The following ZNF813 variants were observed in gnomAD, a reference collection of about 807,000 sequenced individuals.
ZNF813 encodes the protein zinc finger protein 813.
A neutral mutation model predicts 7.2 loss-of-function variants in ZNF813; 3 were observed. The observed-to-expected ratio is 0.42, with a 90% confidence interval of 0.19 to 1.08. The LOEUF (loss-of-function observed/expected upper bound fraction) is 1.08. Among genes scored for constraint, ZNF813 ranks in the 50% least tolerant of loss-of-function variants. The pLI is 0.30. For synonymous variants in ZNF813, 227 were observed against 256.3 expected, an observed-to-expected ratio of 0.89 and a Z score of 1.09; for missense variants, 714 against 753.3, an observed-to-expected ratio of 0.95 and a Z score of 0.61.
At chr19:53,469,933 G>A (rs185278526) in intron 1 of ZNF813, among the ~76,000 whole-genome samples, 3 of 151,520 alleles carry the variant, frequency 2.0e-5, no homozygotes, top group Middle Eastern at 3.4e-3. Context: ...GGTACGCACC[G>A]GCTCAGTGGA....
rs2147164142 is a variant in ZNF813 at position 53,491,530 on chromosome 19, A to G, written c.1298A>G (p.His433Arg). 1.2e-6 allele frequency: 2 copies of G among 1,613,848 alleles called. No homozygotes were observed. The highest frequency in any genetic ancestry group is 1.7e-6 in the Non-Finnish European group (2 of 1,179,834). Reference protein sequence around the residue: ...KANLARHHRLHSGEKPYKCTE... With the variant: ...KANLARHHRLRSGEKPYKCTE... Reference sequence around the variant, plus strand: ...AACCTTGCACGTCATCATAGACTTCATAGTGGAGAGAAACCCTACAAGTGT... The same window carrying G: ...AACCTTGCACGTCATCATAGACTTCGTAGTGGAGAGAAACCCTACAAGTGT... Residue 433 changes from histidine (H) to arginine (R), a missense_variant, in exon 4 of 4, where the codon CAT becomes CGT. Physicochemically the swap from His to Arg is conservative, Grantham distance 29. This residue lies in a region of ZNF813 where 563 missense variants were observed against 554.2 expected (regional missense o/e 1.02). Transcript: ENST00000396403.
At chr19:53,476,836 G>A (rs2086384308) in intron 1 of ZNF813, among the ~76,000 whole-genome samples, 1 of 151,912 alleles carries the variant, frequency 6.6e-6, no homozygotes, top group South Asian at 2.1e-4. Flanking sequence ...GCTAATTTTT[G>A]TATTTTAAGT....
Position 53,495,975 on chromosome 19 carries a change from G to T in ZNF813, c.*3889G>T. On this transcript the variant is annotated 3_prime_UTR_variant, in exon 4 of 4. Transcript: ENST00000396403. ...CCCCCAGTGGATTCAGATCAAAACT[G>T]GTAATAAAATCAGGTACGACTCCAA... 1 of 372,440 alleles carries T rather than the reference G, an allele frequency of 2.7e-6. No individual in the cohort carries two copies. The highest frequency in any genetic ancestry group is 7.2e-5 in the East Asian group (1 of 13,828). The allele number at this position is 372,440 out of a possible 1,614,324, so 23.1% of individuals were successfully genotyped here.
chr19:53,494,441 C>T lies in ZNF813; in HGVS notation c.*2355C>T, dbSNP rs143173141. ...GGTGGATCACCTGAGATCCAGAGTT[C>T]GAGACCAGCCTCACCAACATGGAGA... is the stretch of plus-strand genomic sequence containing the variant. On this transcript the variant is annotated 3_prime_UTR_variant, in exon 4 of 4. Transcript: ENST00000396403. 311 of 152,044 alleles carry T rather than the reference C, an allele frequency of 2.0e-3. No individual in the cohort carries two copies. Among genetic ancestry groups the T allele is most frequent in the Non-Finnish European group, 3.0e-3 (207 of 68,020 alleles). The allele number at this position is 152,044 out of a possible 1,614,324, so 9.4% of individuals were successfully genotyped here.
intron 2 of ZNF813, among the ~76,000 whole-genome samples, 199 bp downstream of exon 2, chr19:53,484,036 G>A (rs1422165062): frequency 1.3e-5 from 2 of 152,058 alleles, no homozygotes; most frequent in Non-Finnish European, 2.9e-5. Flanking sequence ...GGAAGAGGCT[G>A]CACTGGGCAT....
chr19:53,478,219 A>G (rs2086390840), intron 1 of ZNF813, among the ~76,000 whole-genome samples: 1 of 152,142 alleles, frequency 6.6e-6, no homozygotes, highest in Non-Finnish European at 1.5e-5. Flanking sequence ...ATCACCCAGG[A>G]TGGAGTGCAG....
chr19:53,491,143 G>T lies in ZNF813; in HGVS notation c.911G>T (p.Cys304Phe). The change falls in exon 4 of 4, where the codon TGT becomes TTT. Residue 304 changes from cysteine to phenylalanine, a missense_variant. This residue lies in a region of ZNF813 where 563 missense variants were observed against 554.2 expected (regional missense o/e 1.02). Coordinates refer to ENST00000396403, the MANE Select transcript of ZNF813 (RefSeq NM_001004301.4). ...TGEKPYKCEE[C>F]DKAFSFKSNL... is the part of the protein sequence containing the mutation. ...GAGAAACCTTACAAATGTGAAGAAT[G>T]TGACAAAGCTTTCAGTTTCAAATCA... The T allele has an allele frequency of 6.2e-7, 1 of 1,614,080 alleles. No homozygotes were observed. The highest frequency in any genetic ancestry group is 8.5e-7 in the Non-Finnish European group (1 of 1,180,002).
intron 1 of ZNF813, among the ~76,000 whole-genome samples, chr19:53,472,280 G>A (rs73938803): frequency 0.014 from 2,140 of 152,250 alleles, 41 homozygotes; most frequent in African/African-American, 0.049. Flanking sequence ...GGGGTGCCAC[G>A]ATATGCAATA....
Position 53,485,651 on chromosome 19 carries a change from G to A in ZNF813, c.16-981G>A, listed in dbSNP as rs114587211. 8.0e-3 allele frequency among the ~76,000 whole-genome samples: 1,196 copies of A among 149,962 alleles called. 10 individuals are homozygous for A. Among genetic ancestry groups the A allele is most frequent in the African/African-American group, 0.028 (1,137 of 40,918 alleles). ...GTCGTGATATATACATGTATGTCAT[G>A]ACATATATACACATACACACACAAT... is the stretch of plus-strand genomic sequence containing the variant. On this transcript the variant is annotated intron_variant, in intron 2 of 3. Transcript: ENST00000396403.
chr19:53,475,052 T>C (rs555069448), intron 1 of ZNF813, among the ~76,000 whole-genome samples: 1 of 152,316 alleles, frequency 6.6e-6, no homozygotes, highest in African/African-American at 2.4e-5. Flanking sequence ...GCATTATAGC[T>C]ACTTTCTCTG....
chr19:53,491,365 C>G lies in ZNF813; in HGVS notation c.1133C>G (p.Thr378Arg), dbSNP rs147544819. The change falls in exon 4 of 4, where the codon ACG (threonine) becomes AGG (arginine). Residue 378 changes from threonine to arginine, a missense_variant. Thr to Arg is a moderately conservative substitution (Grantham distance 71). Coordinates refer to ENST00000396403, the MANE Select transcript of ZNF813 (RefSeq NM_001004301.4). ...CTTACATGCCATCATAGACTTCATA[C>G]GGGAGAGAAACCTTATAAGTGTAAT... ...SSLTCHHRLHTGEKPYKCNEC... is the reference protein window; with the variant it reads ...SSLTCHHRLHRGEKPYKCNEC... 4.9e-3 allele frequency: 7,863 copies of G among 1,613,388 alleles called. 29 individuals are homozygous for G. The highest frequency in any genetic ancestry group is 5.6e-3 in the Non-Finnish European group (6,586 of 1,179,732).
In ZNF813 at chr19:53,491,212, A is replaced by G. The variant is rs1310391413; in HGVS notation, c.980A>G (p.Tyr327Cys). The stretch of plus-strand genomic sequence containing the variant: ...AGAATTCATGCTGGAGAAAAACCAT[A>G]CAAGTGTAATGAATGTGGCAAGACC... ...HRRIHAGEKP[Y>C]KCNECGKTFS... The change falls in exon 4 of 4, where the codon TAC (tyrosine) becomes TGC (cysteine). Residue 327 changes from tyrosine (Y) to cysteine (C), a missense_variant. This residue lies in a region of ZNF813 where 563 missense variants were observed against 554.2 expected (regional missense o/e 1.02). Transcript: ENST00000396403. 3.1e-6 allele frequency: 5 copies of G among 1,613,818 alleles called. No individual in the cohort carries two copies. In the African/African-American group the frequency reaches 5.3e-5, roughly 17 times the overall value.
chr19:53,475,497 C>T (rs111391255), intron 1 of ZNF813, among the ~76,000 whole-genome samples: 2 of 152,402 alleles, frequency 1.3e-5, no homozygotes, highest in African/African-American at 2.4e-5. Flanking sequence ...GCAGAATAGC[C>T]GGGTTAGGGT....
rs200555748 is a variant in ZNF813, at chr19:53,490,685, C to G, written c.453C>G (p.Leu151=). Residue 151 remains leucine (L), a synonymous_variant, in exon 4 of 4, where the codon CTC becomes CTG. Coordinates refer to ENST00000396403, the MANE Select transcript of ZNF813 (RefSeq NM_001004301.4). ...GCTTTCATTCGCATCTGCCTGAACT[C>G]CACATGTTTCAGACCCAAGGGAAAA... ...GSSFHSHLPE[L]HMFQTQGKIG... is the part of the protein sequence containing the mutation. 1.9e-6 allele frequency: 3 copies of G among 1,614,152 alleles called. No individual in the cohort carries two copies. The highest frequency in any genetic ancestry group is 4.5e-5 in the East Asian group (2 of 44,872).
Position 53,479,562 on chromosome 19 carries a change from T to C in ZNF813, c.-73-4188T>C. ...ACTGTGCTCAGGAGCGCCTGGCCAC[T>C]GCCCTGCAAAAGCTGGAAGAAGCGG... On this transcript the variant is annotated intron_variant, in intron 1 of 3. Coordinates refer to ENST00000396403, the MANE Select transcript of ZNF813 (RefSeq NM_001004301.4). The C allele has an allele frequency of 6.0e-6, 7 of 1,162,404 alleles. No homozygotes were observed. The Admixed American group carries it at 1.2e-4, about 21-fold the overall frequency. 72.0% of individuals were successfully genotyped at this position (1,162,404 alleles called of 1,614,324 possible).
At chr19:53,478,112 A>G (rs1010691146) in intron 1 of ZNF813, among the ~76,000 whole-genome samples, 11 of 152,138 alleles carry the variant, frequency 7.2e-5, no homozygotes, top group Non-Finnish European at 1.2e-4. Context: ...GGTAGGAAGT[A>G]GGGCAATGAA....
At position 53,476,333 on chromosome 19, in the gene ZNF813, AAAGATTG is replaced by A. The variant is rs530581168; in HGVS notation, c.-73-7416_-73-7410del. 2.9e-4 allele frequency among the ~76,000 whole-genome samples: 44 copies of A among 152,218 alleles called. No individual in the cohort carries two copies. In the South Asian group the frequency reaches 7.7e-3, roughly 27 times the overall value. ...TGAGGTCTGAAGCCAATGTTTCTCT[AAAGATTG>A]TGGGAGAGAACCGGGCATGGTGGCT... On this transcript the variant is annotated intron_variant, in intron 1 of 3. Coordinates refer to ENST00000396403, the MANE Select transcript of ZNF813 (RefSeq NM_001004301.4).
intron 2 of ZNF813, among the ~76,000 whole-genome samples, chr19:53,484,561 G>A (rs1055990269): frequency 6.6e-6 from 1 of 152,110 alleles, no homozygotes; most frequent in Admixed American, 6.6e-5. Context: ...ATTAAATTAT[G>A]ATAATATTAT....
Position 53,490,427 on chromosome 19 carries a change from T to C in ZNF813, c.195T>C (p.Asn65=), listed in dbSNP as rs73938812. Residue 65 remains asparagine (N), a synonymous_variant, in exon 4 of 4, where the codon AAT becomes AAC. Transcript: ENST00000396403. The part of the protein sequence containing the change: ...MKEFSSTAQG[N]REVIHTGTLQ... ...AGTTCTCATCAACAGCACAAGGCAA[T>C]AGAGAAGTGATCCACACAGGGACAT... The C allele has an allele frequency of 6.2e-3, 9,956 of 1,613,946 alleles. 520 individuals are homozygous for C. In the African/African-American group the frequency reaches 0.12, roughly 19 times the overall value.
Sources: gnomAD v4.1 joint callset for allele counts (sites outside exome capture counted in the v4.1 genomes callset) on GRCh38, gnomAD v4.1.1 for gene constraint, gnomAD v4.1.1 regional missense constraint, MANE v1.5 for transcripts, NCBI Gene and HGNC (gene_info 2026-07-23, HGNC 2026-07-21) for gene names.